Variants in TG observed in about 807,000 individuals in gnomAD.
TG encodes thyroid hormones.
A neutral mutation model predicts 324.7 loss-of-function variants in TG; 270 were observed. The ratio of observed to expected loss-of-function variants is 0.83; its 90% CI spans 0.75 to 0.92. TG has a LOEUF of 0.92. Ranked by LOEUF, TG falls within the 40% of genes least tolerant of loss-of-function variation. The probability of loss-of-function intolerance (pLI) is 0.00; values close to 1 mark genes in which losing one functional copy is unlikely to be tolerated. For missense variants in TG, 3,591 were observed against 3,456.4 expected, an observed-to-expected ratio of 1.04 and a Z score of -0.98; for synonymous variants, 1,401 against 1,327.0, an observed-to-expected ratio of 1.06 and a Z score of -1.21.
intron 41 of TG, among the ~76,000 whole-genome samples, chr8:133,084,931 C>G (rs1228425199): frequency 6.6e-6 from 1 of 152,232 alleles, no homozygotes; most frequent in African/African-American, 2.4e-5. Context: ...GAAAAATGGC[C>G]TGAATCCAAT....
Position 133,029,940 on chromosome 8 carries a change from C to G in TG, c.7156C>G (p.Arg2386Gly), listed in dbSNP as rs772016260. 1 of 1,614,198 alleles carries G rather than the reference C, an allele frequency of 6.2e-7. No individual in the cohort carries two copies. The highest frequency in any genetic ancestry group is 8.5e-7 in the Non-Finnish European group (1 of 1,180,028). The change falls in exon 41 of 48, where the codon CGT becomes GGT. Residue 2386 changes from arginine (R) to glycine (G), a missense_variant. By Grantham distance (125) the Arg-to-Gly change is moderately radical (BLOSUM62 -2). Coordinates refer to ENST00000220616, the MANE Select transcript of TG (RefSeq NM_003235.5). Reference sequence around the variant, plus strand: ...TCGGCGCGTGTCCCTGGCAGCAGACCGTGGCGGGGCTGATGTGGCCAGCAT... The same window carrying G: ...TCGGCGCGTGTCCCTGGCAGCAGACGGTGGCGGGGCTGATGTGGCCAGCAT... ...DPRRVSLAAD[R>G]GGADVASIHL... is the part of the protein sequence containing the mutation.
chr8:133,097,432 G>A (rs1338754243), intron 43 of TG, among the ~76,000 whole-genome samples: 5 of 152,136 alleles, frequency 3.3e-5, no homozygotes, highest in African/African-American at 1.2e-4. Flanking sequence ...CATTAACAGG[G>A]AAATGGTTGA....
chr8:133,012,123 G>C, intron 36 of TG, 88 bp downstream of exon 36: 1 of 1,573,276 alleles, frequency 6.4e-7, no homozygotes, highest in East Asian at 2.2e-5. Context: ...AAACACATGA[G>C]ACACTACGAT....
chr8:133,051,504 C>A (rs76996815), intron 41 of TG, among the ~76,000 whole-genome samples: 4 of 152,186 alleles, frequency 2.6e-5, no homozygotes, highest in African/African-American at 7.2e-5. Context: ...ATACTTATTT[C>A]TTGCAGAATA....
intron 37 of TG, among the ~76,000 whole-genome samples, chr8:133,014,065 A>G (rs903011706): frequency 1.3e-5 from 2 of 152,194 alleles, no homozygotes; most frequent in African/African-American, 2.4e-5. Flanking sequence ...CACAGGCCTT[A>G]TCTCATTTGG....
In TG at chr8:132,868,935, G is replaced by A. The variant is rs1272625654; in HGVS notation, c.176+712G>A. 2.0e-5 allele frequency among the ~76,000 whole-genome samples: 3 copies of A among 152,098 alleles called. No homozygotes were observed. In the East Asian group the frequency reaches 5.8e-4, roughly 29 times the overall value. The stretch of plus-strand genomic sequence containing the variant: ...ACTCCATTTATATAACTGCGTTCTG[G>A]GAAATGTCTGTGAAACCTCCCTCCC... On this transcript the variant is annotated intron_variant, in intron 2 of 47. Coordinates refer to ENST00000220616, the MANE Select transcript of TG (RefSeq NM_003235.5).
intron 36 of TG, among the ~76,000 whole-genome samples, chr8:133,012,381 G>A (rs1178053195): frequency 6.6e-6 from 1 of 152,208 alleles, no homozygotes; most frequent in Non-Finnish European, 1.5e-5. Context: ...TGGTGAGGAG[G>A]AAGTACACTT....
At chr8:133,096,426 C>G in intron 43 of TG, 53 bp downstream of exon 43, 1 of 1,603,614 alleles carries the variant, frequency 6.2e-7, no homozygotes, top group Non-Finnish European at 8.5e-7. Context: ...CCTAAGGGCT[C>G]TGGACCTCAA....
chr8:132,967,443 T>A (rs899048461), intron 30 of TG, among the ~76,000 whole-genome samples: 2 of 152,088 alleles, frequency 1.3e-5, no homozygotes, highest in Non-Finnish European at 2.9e-5. Context: ...AAGTTCACAG[T>A]TTTTACAGTC....
At chr8:132,973,958 G>A (rs1049684345) in intron 34 of TG, among the ~76,000 whole-genome samples, 11 of 151,564 alleles carry the variant, frequency 7.3e-5, no homozygotes, top group Admixed American at 5.3e-4. Flanking sequence ...ATGTGGAAGG[G>A]GTCTTCGAGA....
intron 34 of TG, among the ~76,000 whole-genome samples, chr8:132,977,749 G>A (rs1830348868): frequency 1.3e-5 from 2 of 152,120 alleles, no homozygotes; most frequent in Admixed American, 6.5e-5. Flanking sequence ...TCTCCCACCA[G>A]GTCCCTCCCA....
chr8:132,923,340 G>T lies in TG; in HGVS notation c.4531G>T (p.Val1511Phe). ...SAGAFSQTHC[V>F]TDCQRNEAGL... Reference sequence around the variant, plus strand: ...CTATGTCAATCTATTGGTTCTAGGTGTCACTGACTGTCAGAGGAACGAAGC... The same window carrying T: ...CTATGTCAATCTATTGGTTCTAGGTTTCACTGACTGTCAGAGGAACGAAGC... Residue 1511 changes from valine (V) to phenylalanine (F), a missense_variant and splice_region_variant, in exon 22 of 48, where the codon GTC becomes TTC. Transcript: ENST00000220616. 1 of 1,614,080 alleles carries T rather than the reference G, an allele frequency of 6.2e-7. No individual in the cohort carries two copies. The highest frequency in any genetic ancestry group is 2.2e-5 in the East Asian group (1 of 44,864).
At chr8:132,946,037 TACACACACAC>T (rs5895165) in intron 26 of TG, among the ~76,000 whole-genome samples, 2,982 of 116,958 alleles carry the variant, frequency 0.025, 90 homozygotes, top group African/African-American at 0.069. Context: ...AAAAATATGT[TACACACACAC>T]ACACACACAC....
intron 41 of TG, among the ~76,000 whole-genome samples, chr8:133,039,429 G>T (rs1837738899): frequency 6.6e-6 from 1 of 152,090 alleles, no homozygotes; most frequent in African/African-American, 2.4e-5. Context: ...TTTTGATCCT[G>T]ATTTTCTTTG....
intron 41 of TG, 26 bp downstream of exon 41, chr8:133,030,049 G>T (rs750755626): frequency 6.2e-6 from 10 of 1,613,906 alleles, no homozygotes; most frequent in South Asian, 1.1e-5. Context: ...TCTACCTTCA[G>T]TCTTACTGCA....
At chr8:133,120,785 T>C (rs1851083480) in intron 45 of TG, among the ~76,000 whole-genome samples, 1 of 152,174 alleles carries the variant, frequency 6.6e-6, no homozygotes, top group Non-Finnish European at 1.5e-5. Flanking sequence ...AACATATCTT[T>C]TTGAGGGAGA....
intron 27 of TG, among the ~76,000 whole-genome samples, chr8:132,960,803 T>C (rs1827634928): frequency 6.6e-6 from 1 of 152,152 alleles, no homozygotes; most frequent in East Asian, 1.9e-4. Context: ...GCCCTGAGTA[T>C]GACACCCATG....
chr8:132,894,209 A>G (rs1185832033), intron 11 of TG, among the ~76,000 whole-genome samples: 1 of 152,122 alleles, frequency 6.6e-6, no homozygotes, highest in Non-Finnish European at 1.5e-5. Context: ...TTAAAATGCG[A>G]GGGACCCAAG....
At chr8:132,882,648 A>G in intron 7 of TG, 36 bp downstream of exon 7, 1 of 1,614,192 alleles carries the variant, frequency 6.2e-7, no homozygotes, top group South Asian at 1.1e-5. Flanking sequence ...GCGTGTTTCC[A>G]TTAGGGGGAC....
Sources: gnomAD v4.1 joint callset for allele counts (sites outside exome capture counted in the v4.1 genomes callset) on GRCh38, gnomAD v4.1.1 for gene constraint, MANE v1.5 for transcripts, NCBI Gene and HGNC (gene_info 2026-07-23, HGNC 2026-07-21) for gene names.